GRIK3: variants seen among roughly 807,000 people sequenced by gnomAD.
GRIK3 encodes the protein glutamate receptor ionotropic, kainate 3.
GRIK3 carries 29 observed loss-of-function variants against 102.5 expected under a neutral mutation model. That is an observed-to-expected ratio of 0.28 (90% CI 0.21 to 0.39). GRIK3 has a LOEUF of 0.39. Among genes scored for constraint, GRIK3 ranks in the 10% least tolerant of loss-of-function variants. The pLI is 1.00. For synonymous variants in GRIK3, 511 were observed against 504.9 expected (o/e 1.01, Z -0.16); for missense variants, 908 against 1,252.4 (o/e 0.73, Z 4.15).
rs1438695858 is a variant in GRIK3 at position 36,857,044 on chromosome 1, C to T, written c.1104+2064G>A. Among the ~76,000 whole-genome samples, 6 of 152,228 alleles carry T rather than the reference C, an allele frequency of 3.9e-5. No individual in the cohort carries two copies. In the East Asian group the frequency reaches 5.8e-4, roughly 15 times the overall value. ...AAAACTCACCAATCCTCAGAACAAC[C>T]TGATGATAAGGTGCTATTTTTATCT... On this transcript the variant is annotated intron_variant, in intron 7 of 15. Coordinates refer to ENST00000373091, the MANE Select transcript of GRIK3 (RefSeq NM_000831.4).
rs763988046 is a variant in GRIK3, at chr1:36,796,659, A to T, written c.*5192T>A. On this transcript the variant is annotated 3_prime_UTR_variant, in exon 16 of 16. Transcript: ENST00000373091. Reference sequence around the variant, plus strand: ...GGCATGCTGGCCATGCCCTGGGGGCATTCTCTTTAACAAGTGCTTTCCCTA... The same window carrying T: ...GGCATGCTGGCCATGCCCTGGGGGCTTTCTCTTTAACAAGTGCTTTCCCTA... The T allele has an allele frequency of 7.9e-5, 12 of 152,286 alleles. No individual in the cohort carries two copies. The highest frequency in any genetic ancestry group is 2.9e-4 in the African/African-American group (12 of 41,466). 9.4% of individuals were successfully genotyped at this position (152,286 alleles called of 1,614,324 possible).
chr1:36,815,584 C>T (rs1442057695), intron 13 of GRIK3, among the ~76,000 whole-genome samples: 1 of 152,180 alleles, frequency 6.6e-6, no homozygotes, highest in East Asian at 1.9e-4. Context: ...CCACAGAGTT[C>T]CTAAATCCTA....
intron 3 of GRIK3, among the ~76,000 whole-genome samples, chr1:36,878,801 C>G (rs1640935686): frequency 6.6e-6 from 1 of 152,228 alleles, no homozygotes; most frequent in African/African-American, 2.4e-5. Flanking sequence ...TCAGTTTCCT[C>G]ATTTCTAATT....
At chr1:37,002,315 T>C (rs1642486374) in intron 1 of GRIK3, among the ~76,000 whole-genome samples, 1 of 152,202 alleles carries the variant, frequency 6.6e-6, no homozygotes, top group South Asian at 2.1e-4. Context: ...TGCTCTAAAT[T>C]AAATGAGAGT....
intron 1 of GRIK3, among the ~76,000 whole-genome samples, chr1:37,004,847 C>A (rs552605692): frequency 6.6e-6 from 1 of 152,162 alleles, no homozygotes; most frequent in Non-Finnish European, 1.5e-5. Context: ...CTCTTGAGAC[C>A]GCTGTGTTCC....
chr1:37,030,699 T>C (rs1177202886), intron 1 of GRIK3, among the ~76,000 whole-genome samples: 1 of 151,966 alleles, frequency 6.6e-6, no homozygotes, highest in African/African-American at 2.4e-5. Flanking sequence ...ACTGTCTAGT[T>C]CCCTTTTCAA....
At chr1:36,864,713 C>T (rs1393528804) in intron 5 of GRIK3, among the ~76,000 whole-genome samples, 3 of 152,208 alleles carry the variant, frequency 2.0e-5, no homozygotes, top group Admixed American at 6.5e-5. Context: ...GACCTTCCTC[C>T]CTGTAACCCC....
intron 1 of GRIK3, among the ~76,000 whole-genome samples, chr1:36,989,126 C>G (rs1253289163): frequency 6.6e-6 from 1 of 152,174 alleles, no homozygotes; most frequent in African/African-American, 2.4e-5. Flanking sequence ...TAGACACACC[C>G]TCACTCCCCC....
intron 1 of GRIK3, among the ~76,000 whole-genome samples, chr1:37,016,492 G>A (rs1460601604): frequency 6.6e-6 from 1 of 152,228 alleles, no homozygotes; most frequent in Non-Finnish European, 1.5e-5. Context: ...GTAGGTCAGT[G>A]GCTCAATGCC....
intron 12 of GRIK3, among the ~76,000 whole-genome samples, chr1:36,817,826 C>T (rs1392337812): frequency 6.6e-6 from 1 of 152,126 alleles, no homozygotes; most frequent in African/African-American, 2.4e-5. Context: ...TACTGTGGTG[C>T]TGCAACGATA....
chr1:36,972,293 CAA>C lies in GRIK3; in HGVS notation c.115+61699_115+61700del, dbSNP rs3835547. ...CTAAGGACCCCACTCTGCCTAGGCC[CAA>C]AGAGTCAGCCAGGGCTGAAAGTGGA... On this transcript the variant is annotated intron_variant, in intron 1 of 15. Transcript: ENST00000373091. Among the ~76,000 whole-genome samples the C allele has an allele frequency of 6.6e-3, 1,002 of 152,316 alleles. 20 individuals are homozygous for C. The highest frequency in any genetic ancestry group is 0.049 in the East Asian group (253 of 5,168).
At chr1:37,021,134 G>C (rs1441480782) in intron 1 of GRIK3, among the ~76,000 whole-genome samples, 2 of 137,088 alleles carry the variant, frequency 1.5e-5, no homozygotes, top group African/African-American at 3.5e-5. Flanking sequence ...CTGTGAGAGA[G>C]AGAGAGAGAG....
At position 36,961,676 on chromosome 1, in the gene GRIK3, C is replaced by T. The variant is rs536245960; in HGVS notation, c.116-70580G>A. Among the ~76,000 whole-genome samples the T allele has an allele frequency of 3.2e-4, 48 of 152,318 alleles. 1 individual carries two copies. Among genetic ancestry groups the T allele is most frequent in the Middle Eastern group, 3.4e-3 (1 of 294 alleles). ...CCTGCTGGCTCCGACATGAATGTCT[C>T]GAGATGGCAGAGCCAGGATGTGTTC... On this transcript the variant is annotated intron_variant, in intron 1 of 15. Coordinates refer to ENST00000373091, the MANE Select transcript of GRIK3 (RefSeq NM_000831.4).
intron 2 of GRIK3, among the ~76,000 whole-genome samples, chr1:36,887,267 C>T (rs529390884): frequency 2.0e-5 from 3 of 152,112 alleles, no homozygotes; most frequent in Non-Finnish European, 4.4e-5. Flanking sequence ...ATCTTCATAA[C>T]CTTAGGTTAG....
At chr1:36,837,472 G>C (rs1640393128) in intron 10 of GRIK3, among the ~76,000 whole-genome samples, 1 of 151,990 alleles carries the variant, frequency 6.6e-6, no homozygotes, top group African/African-American at 2.4e-5. Flanking sequence ...CTTGTCTGCT[G>C]GCTGTGCATC....
chr1:36,996,443 G>A (rs2124018727), intron 1 of GRIK3, among the ~76,000 whole-genome samples: 1 of 152,260 alleles, frequency 6.6e-6, no homozygotes, highest in East Asian at 1.9e-4. Context: ...AGGACAAATG[G>A]CATTCCCAAG....
chr1:36,872,512 T>C lies in GRIK3; in HGVS notation c.551-143A>G. On this transcript the variant is annotated intron_variant, in intron 3 of 15. Transcript: ENST00000373091. This position sits in a 1 kb window ranked among gnomAD's most constrained non-coding sequence, Gnocchi z 5.9. ...GGGCAGAAACGTGGCCCACAGAGAC[T>C]TGTGCACGTGCATGGACAACACTGG... is the stretch of plus-strand genomic sequence containing the variant. The C allele has an allele frequency of 1.6e-6, 1 of 618,284 alleles. No homozygotes were observed. Among genetic ancestry groups the C allele is most frequent in the Non-Finnish European group, 2.7e-6 (1 of 363,902 alleles). The allele number at this position is 618,284 out of a possible 1,614,324, so 38.3% of individuals were successfully genotyped here. A position where few individuals can be genotyped will look rare whatever the true frequency, so the allele number is the denominator to read the frequency against.
In GRIK3 at chr1:36,802,008, A is replaced by G. The variant is rs777602814; in HGVS notation, c.2603T>C (p.Phe868Ser). Residue 868 changes from phenylalanine (F) to serine (S), a missense_variant, in exon 16 of 16, where the codon TTC (phenylalanine) becomes TCC (serine). By Grantham distance (155) the Phe-to-Ser change is radical. This residue lies in a region of GRIK3 where 297 missense variants were observed against 362.7 expected (regional missense o/e 0.82). Transcript: ENST00000373091. ...GACTCGACGCTGGCAGGTAAGGGAGAAACGGATCTCATCGGCCACGGTGCT... is the reference window on the plus strand; with the variant it reads ...GACTCGACGCTGGCAGGTAAGGGAGGAACGGATCTCATCGGCCACGGTGCT... ...FCSTVADEIRFSLTCQRRVKH... is the reference protein window; with the variant it reads ...FCSTVADEIRSSLTCQRRVKH... The G allele has an allele frequency of 6.2e-7, 1 of 1,613,548 alleles. No individual in the cohort carries two copies. Among genetic ancestry groups the G allele is most frequent in the Non-Finnish European group, 8.5e-7 (1 of 1,179,852 alleles).
chr1:37,034,029 G>C lies in GRIK3; in HGVS notation c.80C>G (p.Pro27Arg), dbSNP rs1306303266. 1 of 1,605,438 alleles carries C rather than the reference G, an allele frequency of 6.2e-7. No homozygotes were observed. The highest frequency in any genetic ancestry group is 8.5e-7 in the Non-Finnish European group (1 of 1,176,618). The change falls in exon 1 of 16, where the codon CCG (proline) becomes CGG (arginine). Residue 27 changes from proline (P) to arginine (R), a missense_variant. Physicochemically the swap from Pro to Arg is moderately radical, Grantham distance 103. Around this residue, in one of 3 missense-constraint regions of GRIK3, gnomAD observed 585 missense variants for 824.9 expected, o/e 0.71. Transcript: ENST00000373091. ...AGLLVCAFWI[P>R]DSRGMPHVIR... ...GACGTGGGGCATCCCGCGCGAGTCC[G>C]GGATCCAGAAGGCGCACACGAGGAG...
Sources: gnomAD v4.1 joint callset for allele counts (sites outside exome capture counted in the v4.1 genomes callset) on GRCh38, gnomAD v4.1.1 for gene constraint, gnomAD v4.1.1 regional missense constraint, Gnocchi (gnomAD v3.1) non-coding constraint, MANE v1.5 for transcripts, NCBI Gene and HGNC (gene_info 2026-07-23, HGNC 2026-07-21) for gene names.